The following BRCA1 variants were observed in gnomAD, a reference collection of about 807,000 sequenced individuals.
BRCA1 encodes the protein BRCA1 DNA repair associated.
In BRCA1, 140 loss-of-function variants were observed where a neutral mutation model predicts 173.7. The ratio of observed to expected loss-of-function variants is 0.81; its 90% CI spans 0.70 to 0.93. BRCA1 has a LOEUF of 0.93. Ranked by LOEUF, BRCA1 falls within the 40% of genes least tolerant of loss-of-function variation. BRCA1 has a pLI of 0.00. For synonymous variants in BRCA1, 662 were observed against 756.0 expected, an observed-to-expected ratio of 0.88 and a Z score of 2.04; for missense variants, 1,983 against 2,172.5, an observed-to-expected ratio of 0.91 and a Z score of 1.73.
chr17:43,084,309 C>T lies in BRCA1; in HGVS notation c.4186-1734G>A, dbSNP rs373488596. Among the ~76,000 whole-genome samples, 10 of 152,208 alleles carry T rather than the reference C, an allele frequency of 6.6e-5. No homozygotes were observed. The East Asian group carries it at 1.9e-3, about 29-fold the overall frequency. The stretch of plus-strand genomic sequence containing the variant: ...CCTCCCAAAGTGCTGGGATTACAGG[C>T]GTGAGCCACCACACCTGGCCTAATT... On this transcript the variant is annotated intron_variant, in intron 11 of 22. Coordinates refer to ENST00000357654, the MANE Select transcript of BRCA1 (RefSeq NM_007294.4).
intron 19 of BRCA1, among the ~76,000 whole-genome samples, chr17:43,052,711 G>A (rs994307519): frequency 5.3e-5 from 8 of 150,360 alleles, no homozygotes; most frequent in African/African-American, 2.0e-4. Context: ...AAAAAATCAG[G>A]AAGCTAAAAA....
At chr17:43,100,324 A>G (rs932929755) in intron 6 of BRCA1, among the ~76,000 whole-genome samples, 10 of 151,144 alleles carry the variant, frequency 6.6e-5, no homozygotes, top group Non-Finnish European at 1.3e-4. Flanking sequence ...ATACATTCCA[A>G]TCACATCTGA....
chr17:43,133,934 C>T (rs1422038522), intron 1 of BRCA1, among the ~76,000 whole-genome samples: 1 of 152,194 alleles, frequency 6.6e-6, no homozygotes. Flanking sequence ...CACGCCCAGC[C>T]TCCTTTTTCA....
rs189442183 is a variant in BRCA1 at position 43,045,572 on chromosome 17, G to A, written c.*106C>T. 4.6e-5 allele frequency: 68 copies of A among 1,489,768 alleles called. No individual in the cohort carries two copies. The African/African-American group carries it at 7.5e-4, about 16-fold the overall frequency. 92.3% of individuals were successfully genotyped at this position (1,489,768 alleles called of 1,614,324 possible). A position where few individuals can be genotyped will look rare whatever the true frequency, so the allele number is the denominator to read the frequency against. On this transcript the variant is annotated 3_prime_UTR_variant, in exon 23 of 23. Coordinates refer to ENST00000357654, the MANE Select transcript of BRCA1 (RefSeq NM_007294.4). ...TGTACATAAAATATTTAGTAGCCAG[G>A]ACAGTAGAAGGACTGAAGAGTGAGA... is the stretch of plus-strand genomic sequence containing the variant.
rs869312522 is a variant in BRCA1, at chr17:43,074,278, G to T, written c.4675+53C>A. ...TGGTTAACCAGAATATCTTTATGTAGGATTCAGAGTAAAATCAAAGTGTTT... is the reference window on the plus strand; with the variant it reads ...TGGTTAACCAGAATATCTTTATGTATGATTCAGAGTAAAATCAAAGTGTTT... On this transcript the variant is annotated intron_variant, in intron 14 of 22. Coordinates refer to ENST00000357654, the MANE Select transcript of BRCA1 (RefSeq NM_007294.4). 93 of 1,594,746 alleles carry T rather than the reference G, an allele frequency of 5.8e-5. 3 individuals carry two copies. The highest frequency in any genetic ancestry group is 4.7e-4 in the East Asian group (21 of 44,788).
At chr17:43,127,708 T>TG (rs2055923628), upstream of BRCA1, among the ~76,000 whole-genome samples, 1 of 151,850 alleles carries the variant, frequency 6.6e-6, no homozygotes, top group South Asian at 2.1e-4. Flanking sequence ...AGGATGTGGG[T>TG]GGGGTCAGAT....
At chr17:43,156,866 C>T (rs145986518) in intron 1 of BRCA1, among the ~76,000 whole-genome samples, 33 of 152,236 alleles carry the variant, frequency 2.2e-4, no homozygotes, top group African/African-American at 7.7e-4. Flanking sequence ...TGAAGGAAGA[C>T]TGTGAAAAGG....
chr17:43,104,911 T>C lies in BRCA1; in HGVS notation c.258A>G (p.Leu86=), dbSNP rs777491912. Reference sequence around the variant, plus strand: ...GCTGAAAAGCACAAATGATTTTCAATAGCTCTTCAACAAGTTGACTAAATC... The same window carrying C: ...GCTGAAAAGCACAAATGATTTTCAACAGCTCTTCAACAAGTTGACTAAATC... ...STRFSQLVEE[L]LKIICAFQLD... is the part of the protein sequence containing the mutation. Residue 86 remains leucine (L), a synonymous_variant, in exon 5 of 23, where the codon CTA becomes CTG. Transcript: ENST00000357654. The C allele has an allele frequency of 2.5e-6, 4 of 1,613,996 alleles. No individual in the cohort carries two copies. Among genetic ancestry groups the C allele is most frequent in the Admixed American group, 1.7e-5 (1 of 60,010 alleles).
intron 1 of BRCA1, among the ~76,000 whole-genome samples, chr17:43,139,361 G>A (rs2056056693): frequency 6.7e-6 from 1 of 150,202 alleles, no homozygotes. Context: ...ATACCCGATA[G>A]TTTTTTTCTT....
rs80357444 is a variant in BRCA1, at chr17:43,093,200, A to G, written c.2331T>C (p.Tyr777=). The G allele has an allele frequency of 6.2e-7, 1 of 1,614,020 alleles. No individual in the cohort carries two copies. Among genetic ancestry groups the G allele is most frequent in the Non-Finnish European group, 8.5e-7 (1 of 1,179,986 alleles). ...SSISLVPGTD[Y]GTQESISLLE... is the part of the protein sequence containing the mutation. ...GTAACGAGATACTTTCCTGAGTGCC[A>G]TAATCAGTACCAGGTACCAATGAAA... The change falls in exon 10 of 23, where the codon TAT becomes TAC. Residue 777 remains tyrosine (Y), a synonymous_variant. Coordinates refer to ENST00000357654, the MANE Select transcript of BRCA1 (RefSeq NM_007294.4).
At chr17:43,118,618 G>A (rs958583410) in intron 2 of BRCA1, among the ~76,000 whole-genome samples, 9 of 152,036 alleles carry the variant, frequency 5.9e-5, no homozygotes, top group African/African-American at 1.7e-4. Context: ...ATTAATTTTT[G>A]TAGAGACAGG....
In BRCA1 at chr17:43,115,727, T is replaced by G. The variant is rs769650474; in HGVS notation, c.133A>C (p.Lys45Gln). ...VSTKCDHIFC[K>Q]FCMLKLLNQK... ...GCCACATAACACATTCAAACTTACT[T>G]GCAAAATATGTGGTCACACTTTGTG... The change falls in exon 3 of 23, where the codon AAA becomes CAA. Residue 45 changes from lysine to glutamine, a missense_variant and splice_region_variant. Physicochemically the swap from Lys to Gln is moderately conservative, Grantham distance 53 (BLOSUM62 1). Coordinates refer to ENST00000357654, the MANE Select transcript of BRCA1 (RefSeq NM_007294.4). 2.4e-5 allele frequency: 39 copies of G among 1,613,246 alleles called. No homozygotes were observed. The highest frequency in any genetic ancestry group is 2.9e-5 in the Non-Finnish European group (34 of 1,179,624).
At chr17:43,090,070 A>G (rs1291707547) in intron 11 of BRCA1, among the ~76,000 whole-genome samples, 2 of 150,242 alleles carry the variant, frequency 1.3e-5, no homozygotes, top group African/African-American at 2.4e-5. Flanking sequence ...AGAAGAAGAG[A>G]AAGAAGTATC....
intron 1 of BRCA1, among the ~76,000 whole-genome samples, chr17:43,151,454 C>A (rs2154581608): frequency 6.6e-6 from 1 of 152,166 alleles, no homozygotes; most frequent in South Asian, 2.1e-4. Flanking sequence ...GTGGCGCATG[C>A]CTATATTCCT....
intron 11 of BRCA1, among the ~76,000 whole-genome samples, chr17:43,083,079 T>C (rs570200697): frequency 2.6e-5 from 4 of 152,262 alleles, no homozygotes; most frequent in African/African-American, 9.6e-5. Flanking sequence ...ACAACAAATA[T>C]AAAAATACTA....
At chr17:43,090,905 C>CCACACACACGCATGTG (rs1350338513) in intron 11 of BRCA1, 39 bp downstream of exon 11, 3 of 1,549,540 alleles carry the variant, frequency 1.9e-6, no homozygotes, top group Non-Finnish European at 2.6e-6. Context: ...GCAAAGGACA[C>CCACACACACGCATGTG]CACACACACG....
intron 14 of BRCA1, among the ~76,000 whole-genome samples, chr17:43,073,266 G>A (rs1339759086): frequency 2.6e-5 from 4 of 152,116 alleles, no homozygotes; most frequent in African/African-American, 9.7e-5. Flanking sequence ...GTTGAAAAAT[G>A]TGGCAAATGC....
At chr17:43,084,193 G>A (rs1457999965) in intron 11 of BRCA1, among the ~76,000 whole-genome samples, 1 of 152,136 alleles carries the variant, frequency 6.6e-6, no homozygotes, top group African/African-American at 2.4e-5. Flanking sequence ...ACCATGCCCA[G>A]CTAATTTTTT....
At position 43,104,159 on chromosome 17, in the gene BRCA1, T is replaced by TTGG. The variant is rs1555596338; in HGVS notation, c.401_403dup (p.Ala134_Lys135insThr). ...TTCGGGTTCACTCTGTAGAAGTCTT[T>TTGG]TGGCACGGTTTCTGTAGCCCATACT... On this transcript the variant is annotated inframe_insertion, in exon 6 of 23. Transcript: ENST00000357654. 1 of 1,614,078 alleles carries TTGG rather than the reference T, an allele frequency of 6.2e-7. No individual in the cohort carries two copies. Among genetic ancestry groups the TTGG allele is most frequent in the Non-Finnish European group, 8.5e-7 (1 of 1,179,980 alleles).
Sources: allele counts gnomAD v4.1 joint callset (sites outside exome capture counted in the v4.1 genomes callset), GRCh38; gene constraint gnomAD v4.1.1; transcripts MANE v1.5; gene names NCBI Gene and HGNC (gene_info 2026-07-23, HGNC 2026-07-21).